The following RYR1 variants were observed in gnomAD, a reference collection of about 807,000 sequenced individuals.
RYR1 encodes the protein ryanodine receptor 1.
A neutral mutation model predicts 583.5 loss-of-function variants in RYR1; 342 were observed. The ratio of observed to expected loss-of-function variants is 0.59; its 90% CI spans 0.54 to 0.64. The LOEUF (loss-of-function observed/expected upper bound fraction) is 0.64, where lower values mean the gene tolerates loss of function less well. Among genes scored for constraint, RYR1 ranks in the 30% least tolerant of loss-of-function variants. The pLI is 0.00. For missense variants in RYR1, 6,032 were observed against 6,917.2 expected (o/e 0.87, Z 4.54); for synonymous variants, 2,791 against 2,822.5 (o/e 0.99, Z 0.35).
At chr19:38,545,781 G>A (rs530074956) in intron 87 of RYR1, among the ~76,000 whole-genome samples, 58 of 152,158 alleles carry the variant, frequency 3.8e-4, no homozygotes, top group African/African-American at 1.3e-3. Context: ...ATTACATTCC[G>A]GCCTGGGCAA....
At chr19:38,450,802 G>A (rs1481687358) in intron 11 of RYR1, among the ~76,000 whole-genome samples, 3 of 94,590 alleles carry the variant, frequency 3.2e-5, no homozygotes, top group South Asian at 2.9e-4. Context: ...TAAATAAAGG[G>A]AAGATGGAGC....
chr19:38,474,132 G>A (rs1053996261), intron 28 of RYR1, among the ~76,000 whole-genome samples: 3 of 152,194 alleles, frequency 2.0e-5, no homozygotes, highest in African/African-American at 7.2e-5. Flanking sequence ...GTATCCCAGT[G>A]AATACCCAGT....
chr19:38,491,663 C>T (rs1445193375), intron 37 of RYR1, among the ~76,000 whole-genome samples: 1 of 152,058 alleles, frequency 6.6e-6, no homozygotes, highest in African/African-American at 2.4e-5. Flanking sequence ...CTCCTGGGCT[C>T]AAGCAATTTG....
chr19:38,489,091 T>G, intron 34 of RYR1, 86 bp from the exon 35 acceptor site: 6 of 1,160,464 alleles, frequency 5.2e-6, no homozygotes, highest in South Asian at 1.2e-5. Context: ...GGCATGTGCA[T>G]GAGGGGCAGG....
At chr19:38,502,778 G>GGCAGGGGCAGGGGCAGGA (rs1970220034) in intron 48 of RYR1, 51 bp downstream of exon 48, 3 of 1,216,064 alleles carry the variant, frequency 2.5e-6, no homozygotes, top group Non-Finnish European at 3.4e-6. Flanking sequence ...CAGGGGCAGG[G>GGCAGGGGCAGGGGCAGGA]GCAGGGGCAG....
chr19:38,492,360 CAAAAAAA>C, intron 37 of RYR1, 123 bp from the exon 38 acceptor site: 2 of 725,732 alleles, frequency 2.8e-6, no homozygotes, highest in African/African-American at 2.5e-5. Context: ...GACACTGTCT[CAAAAAAA>C]AAAAAAAAAA....
At chr19:38,502,843 G>A (rs577544800) in intron 48 of RYR1, 37 bp from the exon 49 acceptor site, 6 of 1,597,846 alleles carry the variant, frequency 3.8e-6, no homozygotes, top group South Asian at 3.3e-5. Context: ...GAGCGGGCCT[G>A]GACGGGGGAT....
chr19:38,464,501 C>T, intron 22 of RYR1, 138 bp from the exon 23 acceptor site: 1 of 671,400 alleles, frequency 1.5e-6, no homozygotes, highest in Non-Finnish European at 2.7e-6. Context: ...AGGCCAGGAT[C>T]AAGAGAGACA....
chr19:38,585,472 A>G (rs1974440870), intron 102 of RYR1, among the ~76,000 whole-genome samples: 1 of 148,232 alleles, frequency 6.7e-6, no homozygotes, highest in Non-Finnish European at 1.5e-5. Context: ...CTATATATAT[A>G]TATGTATAAT....
chr19:38,443,838 A>G (rs927164714), intron 5 of RYR1, 42 bp downstream of exon 5: 6 of 1,585,106 alleles, frequency 3.8e-6, no homozygotes, highest in Non-Finnish European at 4.3e-6. Flanking sequence ...GGGGCCCCGC[A>G]GCAGGGATTC....
intron 105 of RYR1, among the ~76,000 whole-genome samples, 190 bp from the exon 106 acceptor site, chr19:38,587,135 C>T (rs1974528784): frequency 6.6e-6 from 1 of 151,968 alleles, no homozygotes; most frequent in Non-Finnish European, 1.5e-5. Flanking sequence ...TGGTGTGCAC[C>T]TGTAGTCCCA....
chr19:38,555,180 G>A (rs574554877), intron 89 of RYR1, among the ~76,000 whole-genome samples: 7 of 152,162 alleles, frequency 4.6e-5, no homozygotes, highest in Middle Eastern at 3.4e-3. Flanking sequence ...GCCAGACACG[G>A]TGGGTCACGC....
intron 31 of RYR1, among the ~76,000 whole-genome samples, chr19:38,482,364 GAGACAA>G (rs1318316131): frequency 1.3e-5 from 2 of 152,168 alleles, no homozygotes; most frequent in Non-Finnish European, 2.9e-5. Flanking sequence ...GACTGCTTCA[GAGACAA>G]TGTTGTTTGT....
chr19:38,454,859 G>A (rs569915542), intron 13 of RYR1, among the ~76,000 whole-genome samples: 2 of 152,216 alleles, frequency 1.3e-5, no homozygotes, highest in South Asian at 2.1e-4. Flanking sequence ...AATGAACTGG[G>A]CCTCTCCAGT....
At position 38,483,576 on chromosome 19, in the gene RYR1, G is replaced by T. The variant is rs570298796; in HGVS notation, c.4934+60G>T. 172 of 1,410,482 alleles carry T rather than the reference G, an allele frequency of 1.2e-4. No homozygotes were observed. In the African/African-American group the frequency reaches 2.3e-3, roughly 19 times the overall value. The allele number at this position is 1,410,482 out of a possible 1,614,324, so 87.4% of individuals were successfully genotyped here. A position where few individuals can be genotyped will look rare whatever the true frequency, so the allele number is the denominator to read the frequency against. The stretch of plus-strand genomic sequence containing the variant: ...GTGTTGCAAGCCCTCTGGGGTCTGG[G>T]TCCCACTCAGTGCCCCTCCTCAACA... On this transcript the variant is annotated intron_variant, in intron 33 of 105. Transcript: ENST00000359596. The surrounding 1 kb of genome is among the most constrained non-coding windows in gnomAD (Gnocchi z 6.3).
intron 20 of RYR1, among the ~76,000 whole-genome samples, chr19:38,461,721 G>GAAAA (rs34209906): frequency 4.0e-5 from 3 of 75,108 alleles, no homozygotes; most frequent in Admixed American, 1.9e-4. Flanking sequence ...GCAAAACCCT[G>GAAAA]AAAAAAAAAA....
intron 27 of RYR1, among the ~76,000 whole-genome samples, chr19:38,470,468 G>T (rs1968366752): frequency 1.3e-5 from 2 of 150,500 alleles, no homozygotes; most frequent in Admixed American, 6.6e-5. Flanking sequence ...AGCTGGGCAT[G>T]GTGGCTCATG....
At chr19:38,467,542 C>A in intron 24 of RYR1, 68 bp from the exon 25 acceptor site, 3 of 1,547,094 alleles carry the variant, frequency 1.9e-6, no homozygotes, top group Non-Finnish European at 2.7e-6. Context: ...TGTCTTCTAC[C>A]AACTTCTCGA....
chr19:38,477,792 A>G lies in RYR1; in HGVS notation c.4376A>G (p.His1459Arg), dbSNP rs767071972. 1.9e-6 allele frequency: 3 copies of G among 1,613,696 alleles called. No individual in the cohort carries two copies. Among genetic ancestry groups the G allele is most frequent in the East Asian group, 2.2e-5 (1 of 44,834 alleles). ...TGGGTCACCCCTGACTACCATCAGCACGACATGAGCTTCGACCTCAGCAAG... is the reference window on the plus strand; with the variant it reads ...TGGGTCACCCCTGACTACCATCAGCGCGACATGAGCTTCGACCTCAGCAAG... Reference protein sequence around the residue: ...AGWVTPDYHQHDMSFDLSKVR... With the variant: ...AGWVTPDYHQRDMSFDLSKVR... Residue 1459 changes from histidine to arginine, a missense_variant, in exon 30 of 106, where the codon CAC (histidine) becomes CGC (arginine). Around this residue, in one of 11 missense-constraint regions of RYR1, gnomAD observed 2,627 missense variants for 2,961.3 expected, o/e 0.89. Transcript: ENST00000359596.
Sources: gnomAD v4.1 joint callset for allele counts (sites outside exome capture counted in the v4.1 genomes callset) on GRCh38, gnomAD v4.1.1 for gene constraint, gnomAD v4.1.1 regional missense constraint, Gnocchi (gnomAD v3.1) non-coding constraint, MANE v1.5 for transcripts, NCBI Gene and HGNC (gene_info 2026-07-23, HGNC 2026-07-21) for gene names.